SCMH1: variants seen among roughly 807,000 people sequenced by gnomAD.
SCMH1 encodes Scm polycomb group protein homolog 1.
Under a neutral mutation model 70.8 loss-of-function variants are expected in SCMH1, and 37 were observed. That is an observed-to-expected ratio of 0.52 (90% CI 0.40 to 0.69). SCMH1 has a LOEUF of 0.69. Ranked by LOEUF, SCMH1 falls within the 30% of genes least tolerant of loss-of-function variation. SCMH1 has a pLI of 0.00. For synonymous variants in SCMH1, 292 were observed against 307.4 expected (o/e 0.95, Z 0.52); for missense variants, 607 against 827.3 (o/e 0.73, Z 3.27).
At chr1:41,027,983 C>T (rs998552123) in exon 15 of SCMH1, 3 of 592,434 alleles carry the variant, frequency 5.1e-6, no homozygotes, top group African/African-American at 1.9e-5. Context: ...AAGAGCAGCA[C>T]CAGCCCTGGA....
chr1:41,205,377 A>C (rs1282787323), intron 1 of SCMH1, among the ~76,000 whole-genome samples: 1 of 152,242 alleles, frequency 6.6e-6, no homozygotes, highest in African/African-American at 2.4e-5. Context: ...CAACTGGCAG[A>C]CCAGGAGATT....
intron 12 of SCMH1, among the ~76,000 whole-genome samples, chr1:41,038,543 C>A (rs937720530): frequency 3.9e-5 from 6 of 152,146 alleles, no homozygotes; most frequent in Non-Finnish European, 7.3e-5. Context: ...ACAGTAAGGC[C>A]TCAATGTTAA....
intron 2 of SCMH1, among the ~76,000 whole-genome samples, chr1:41,165,657 A>C (rs213745): frequency 0.85 from 129,406 of 152,138 alleles, 55,537 homozygotes; most frequent in East Asian, 0.97. Context: ...GGACTTTTTT[A>C]ATATATCTGT....
In SCMH1 at chr1:41,058,378, G is replaced by GTTTTTTTTTTTTT. The variant is rs548733204; in HGVS notation, c.1106-9501_1106-9489dup. ...TTAGTATTTATACATTTTCTTTCTT[G>GTTTTTTTTTTTTT]TTTTTTTTTTTTTTTTTTTTTTGAG... On this transcript the variant is annotated intron_variant, in intron 10 of 14. Transcript: ENST00000337495. Among the ~76,000 whole-genome samples the GTTTTTTTTTTTTT allele has an allele frequency of 6.9e-3, 561 of 81,618 alleles. 116 individuals are homozygous for GTTTTTTTTTTTTT. The highest frequency in any genetic ancestry group is 0.018 in the East Asian group (34 of 1,872). The allele number at this position is 81,618 out of a possible 152,430, so 53.5% of individuals were successfully genotyped here. A position where few individuals can be genotyped will look rare whatever the true frequency, so the allele number is the denominator to read the frequency against.
intron 7 of SCMH1, 34 bp downstream of exon 7, chr1:41,116,888 G>T: frequency 1.3e-6 from 2 of 1,549,936 alleles, no homozygotes. Flanking sequence ...ACCTTAAGCA[G>T]CCTGGAGCTG....
In SCMH1 at chr1:41,113,274, G is replaced by T; in HGVS notation, c.745+9C>A. On this transcript the variant is annotated intron_variant, in intron 8 of 14. Coordinates refer to ENST00000337495, the Ensembl canonical transcript of SCMH1. This position sits in a 1 kb window ranked among gnomAD's most constrained non-coding sequence, Gnocchi z 4.3. ...TCCTGATTTCAAGAGCACGTAGATG[G>T]GCCTTTACCTTTGGTGCCAGGAGGC... is the stretch of plus-strand genomic sequence containing the variant. 6.2e-7 allele frequency: 1 copy of T among 1,612,044 alleles called. No individual in the cohort carries two copies. Among genetic ancestry groups the T allele is most frequent in the Non-Finnish European group, 8.5e-7 (1 of 1,179,188 alleles).
chr1:41,176,543 C>T (rs903098898), intron 2 of SCMH1, among the ~76,000 whole-genome samples: 6 of 152,226 alleles, frequency 3.9e-5, no homozygotes, highest in Admixed American at 3.9e-4. Context: ...AATCGGGTCA[C>T]TCCCATCCTA....
intron 1 of SCMH1, among the ~76,000 whole-genome samples, chr1:41,187,064 C>A (rs1435078621): frequency 6.6e-6 from 1 of 152,118 alleles, no homozygotes; most frequent in Non-Finnish European, 1.5e-5. Flanking sequence ...AGAACAAAAA[C>A]AAAGTAAAAA....
intron 8 of SCMH1, among the ~76,000 whole-genome samples, chr1:41,089,785 C>CCCTTTTTTTTT (rs1662794843): frequency 1.3e-4 from 5 of 37,320 alleles, no homozygotes; most frequent in Non-Finnish European, 4.7e-5. Context: ...ACCATGTTGT[C>CCCTTTTTTTTT]TCTTTTTTTT....
In SCMH1 at chr1:41,113,250, C is replaced by A; in HGVS notation, c.745+33G>T. 6.2e-7 allele frequency: 1 copy of A among 1,602,228 alleles called. No individual in the cohort carries two copies. Among genetic ancestry groups the A allele is most frequent in the Non-Finnish European group, 8.5e-7 (1 of 1,174,920 alleles). On this transcript the variant is annotated intron_variant, in intron 8 of 14. Coordinates refer to ENST00000337495, the Ensembl canonical transcript of SCMH1. This position sits in a 1 kb window ranked among gnomAD's most constrained non-coding sequence, Gnocchi z 4.3. ...GGGTAGTCTCCCTTATCATCTGGGT[C>A]CTGATTTCAAGAGCACGTAGATGGG...
chr1:41,124,631 A>T (rs1672739608), intron 6 of SCMH1, among the ~76,000 whole-genome samples: 5 of 151,730 alleles, frequency 3.3e-5, no homozygotes, highest in Admixed American at 3.3e-4. Flanking sequence ...ATTTTGAGAC[A>T]GGGTCTTTCT....
intron 1 of SCMH1, among the ~76,000 whole-genome samples, chr1:41,230,394 G>A (rs1357389132): frequency 6.6e-6 from 1 of 152,096 alleles, no homozygotes; most frequent in African/African-American, 2.4e-5. Context: ...TCCCAGCCAG[G>A]CACCATCCCA....
intron 8 of SCMH1, among the ~76,000 whole-genome samples, chr1:41,092,901 A>T (rs1266562310): frequency 6.6e-6 from 1 of 152,222 alleles, no homozygotes; most frequent in Non-Finnish European, 1.5e-5. Flanking sequence ...GTGGAGAAAT[A>T]GGAATGCTTT....
Position 41,037,358 on chromosome 1 carries a change from T to C in SCMH1, c.1678+4A>G. 6.2e-7 allele frequency: 1 copy of C among 1,613,538 alleles called. No individual in the cohort carries two copies. The highest frequency in any genetic ancestry group is 8.5e-7 in the Non-Finnish European group (1 of 1,179,724). On this transcript the variant is annotated splice_donor_region_variant and intron_variant, in intron 13 of 14. Transcript: ENST00000337495. ...AAGGAGGGCCAGGACTCTGGTAAGC[T>C]TACCCCTGGAGCATAGCCTGCGCAC...
Position 41,123,499 on chromosome 1 carries a change from T to A in SCMH1, c.413-6489A>T, listed in dbSNP as rs552588406. 4.6e-5 allele frequency among the ~76,000 whole-genome samples: 7 copies of A among 152,304 alleles called. No individual in the cohort carries two copies. The East Asian group carries it at 1.2e-3, about 25-fold the overall frequency. ...CTCTCAAACTTGGACTGGAATCCCC[T>A]AGGGAACATTAAAGAATACATCAGA... On this transcript the variant is annotated intron_variant, in intron 6 of 14. Transcript: ENST00000337495.
At chr1:41,205,460 T>C (rs551652487) in intron 1 of SCMH1, among the ~76,000 whole-genome samples, 1 of 152,234 alleles carries the variant, frequency 6.6e-6, no homozygotes. Context: ...AGTCTGAGAC[T>C]GACCTCAATC....
chr1:41,132,916 C>T (rs1458348121), intron 6 of SCMH1, among the ~76,000 whole-genome samples: 1 of 152,138 alleles, frequency 6.6e-6, no homozygotes, highest in Admixed American at 6.6e-5. Flanking sequence ...TGTTTTGGTA[C>T]CAGTGCCATG....
intron 2 of SCMH1, among the ~76,000 whole-genome samples, chr1:41,165,920 A>G (rs1646381960): frequency 6.6e-6 from 1 of 151,846 alleles, no homozygotes; most frequent in South Asian, 2.1e-4. Flanking sequence ...TTTATTGCTT[A>G]TGCTTTTGGG....
chr1:41,048,668 A>C, intron 11 of SCMH1, 22 bp downstream of exon 11: 1 of 1,610,138 alleles, frequency 6.2e-7, no homozygotes, highest in South Asian at 1.1e-5. Flanking sequence ...CTGGGAGGCA[A>C]TATGAGCCAA....
Sources: allele counts gnomAD v4.1 joint callset (sites outside exome capture counted in the v4.1 genomes callset), GRCh38; gene constraint gnomAD v4.1.1; non-coding constraint Gnocchi (gnomAD v3.1); transcripts MANE v1.5; gene names NCBI Gene and HGNC (gene_info 2026-07-23, HGNC 2026-07-21).